Variants in STRADA observed in about 807,000 individuals in gnomAD.
STRADA encodes STE20-related kinase adapter protein alpha.
Under a neutral mutation model 55.0 loss-of-function variants are expected in STRADA, and 26 were observed. The ratio of observed to expected loss-of-function variants is 0.47; its 90% CI spans 0.35 to 0.66. The LOEUF (loss-of-function observed/expected upper bound fraction) is 0.66, where lower values mean the gene tolerates loss of function less well. Ranked by LOEUF, STRADA falls within the 30% of genes least tolerant of loss-of-function variation. STRADA has a pLI of 0.01. For missense variants in STRADA, 443 were observed against 549.7 expected (o/e 0.81, Z 1.94); for synonymous variants, 197 against 210.9 (o/e 0.93, Z 0.57).
chr17:63,732,776 C>T (rs1280515616), intron 1 of STRADA, among the ~76,000 whole-genome samples: 2 of 151,916 alleles, frequency 1.3e-5, no homozygotes, highest in Non-Finnish European at 2.9e-5. Flanking sequence ...GCCTAGGTAA[C>T]AGACTATGTT....
Position 63,710,537 on chromosome 17 carries a change from C to T in STRADA, c.535G>A (p.Val179Met). Residue 179 changes from valine to methionine, a missense_variant, in exon 8 of 13, where the codon GTG becomes ATG. Transcript: ENST00000336174. ...TGGATGTAGTCGAGGGCCTTCAGCACCCCCTGCAGGATGTAAGCAATCGCC... is the reference window on the plus strand; with the variant it reads ...TGGATGTAGTCGAGGGCCTTCAGCATCCCCTGCAGGATGTAAGCAATCGCC... ...ELAIAYILQG[V>M]LKALDYIHHM... is the part of the protein sequence containing the mutation. 6.2e-7 allele frequency: 1 copy of T among 1,613,938 alleles called. No homozygotes were observed. Among genetic ancestry groups the T allele is most frequent in the Non-Finnish European group, 8.5e-7 (1 of 1,179,870 alleles).
chr17:63,719,545 G>A (rs970274008), intron 4 of STRADA, among the ~76,000 whole-genome samples: 7 of 150,900 alleles, frequency 4.6e-5, no homozygotes, highest in African/African-American at 1.2e-4. Context: ...GTGCAATGGC[G>A]CGATCTCGGC....
chr17:63,739,281 T>C (rs551076998), intron 1 of STRADA, among the ~76,000 whole-genome samples: 24 of 152,294 alleles, frequency 1.6e-4, no homozygotes, highest in Non-Finnish European at 3.1e-4. Flanking sequence ...AAAATCTTAC[T>C]AATAAATTTC....
chr17:63,709,021 T>G (rs1016554313), intron 8 of STRADA, among the ~76,000 whole-genome samples: 3 of 152,210 alleles, frequency 2.0e-5, no homozygotes, highest in African/African-American at 7.2e-5. Context: ...ATTGTCACCT[T>G]GGTTCTGGGA....
chr17:63,721,193 G>T (rs984446197), intron 4 of STRADA, among the ~76,000 whole-genome samples: 2 of 151,344 alleles, frequency 1.3e-5, no homozygotes, highest in African/African-American at 4.9e-5. Context: ...ACAACATGGT[G>T]AAACTCCGTC....
chr17:63,723,199 G>GCTT, intron 4 of STRADA, 99 bp downstream of exon 4: 5 of 1,346,650 alleles, frequency 3.7e-6, no homozygotes, highest in Non-Finnish European at 4.3e-6. Flanking sequence ...TGACAGATAA[G>GCTT]CAGAAACATA....
intron 1 of STRADA, among the ~76,000 whole-genome samples, chr17:63,740,113 C>A: frequency 3.9e-5 from 2 of 51,066 alleles, no homozygotes; most frequent in East Asian, 4.2e-4. Flanking sequence ...TATATACATA[C>A]ATACATATAT....
At chr17:63,727,582 T>A (rs1048475273) in intron 2 of STRADA, 1 of 152,368 alleles carries the variant, frequency 6.6e-6, no homozygotes, top group Non-Finnish European at 1.5e-5. Flanking sequence ...ATTGGAACTA[T>A]AGCATCTTCT....
chr17:63,714,025 G>C lies in STRADA; in HGVS notation c.207C>G (p.Tyr69Ter). Reference protein sequence around the residue: ...MSSFLPEGGCYELLTVIGKGF... With the variant: ...MSSFLPEGGC ...ACATACCTATCACAGTGAGCAGCTCGTAACACCCTCCCTCTGGCAGAAAGC... is the reference window on the plus strand; with the variant it reads ...ACATACCTATCACAGTGAGCAGCTCCTAACACCCTCCCTCTGGCAGAAAGC... Residue 69 changes from tyrosine to a stop codon, truncating the protein, a stop_gained, in exon 5 of 13, where the codon TAC (tyrosine) becomes TAG (stop). Coordinates refer to ENST00000336174, the MANE Select transcript of STRADA (RefSeq NM_001003787.4). LOFTEE classifies it high-confidence loss of function. 2 of 1,613,680 alleles carry C rather than the reference G, an allele frequency of 1.2e-6. No individual in the cohort carries two copies. Among genetic ancestry groups the C allele is most frequent in the South Asian group, 1.1e-5 (1 of 91,074 alleles).
At chr17:63,725,606 CCT>C (rs1330772921) in intron 3 of STRADA, 2 of 152,234 alleles carry the variant, frequency 1.3e-5, no homozygotes, top group African/African-American at 4.8e-5. Context: ...CCTGCCTCGG[CCT>C]CCCAAAGTGC....
Position 63,703,587 on chromosome 17 carries a change from G to C in STRADA, c.*12C>G. 6.2e-7 allele frequency: 1 copy of C among 1,611,568 alleles called. No homozygotes were observed. The highest frequency in any genetic ancestry group is 8.5e-7 in the Non-Finnish European group (1 of 1,178,604). On this transcript the variant is annotated 3_prime_UTR_variant, in exon 13 of 13. Coordinates refer to ENST00000336174, the MANE Select transcript of STRADA (RefSeq NM_001003787.4). ...CATCCCTGGCTGGAGAATGCGCACA[G>C]TTTGCAGAGGCTCAGAACTCCCAAT...
chr17:63,727,279 T>C (rs1170815633), intron 2 of STRADA: 2 of 152,426 alleles, frequency 1.3e-5, no homozygotes, highest in Non-Finnish European at 2.9e-5. Context: ...TAGATTTCTG[T>C]CATTCTGATC....
intron 3 of STRADA, among the ~76,000 whole-genome samples, chr17:63,724,264 T>A (rs1016514395): frequency 3.9e-5 from 6 of 151,972 alleles, no homozygotes; most frequent in Non-Finnish European, 7.4e-5. Context: ...TGCCTCAGCC[T>A]CCCAAGTAGC....
intron 1 of STRADA, among the ~76,000 whole-genome samples, chr17:63,729,443 T>C (rs1011005305): frequency 1.3e-5 from 2 of 152,150 alleles, no homozygotes; most frequent in Non-Finnish European, 2.9e-5. Context: ...TCCACATTTA[T>C]ATTATTATGA....
chr17:63,723,155 C>A, intron 4 of STRADA, 143 bp downstream of exon 4: 2 of 1,048,674 alleles, frequency 1.9e-6, no homozygotes, highest in Middle Eastern at 4.2e-4. Context: ...TGAATCTCCA[C>A]AAGTACAAAA....
chr17:63,706,611 GA>G, intron 10 of STRADA, 23 bp downstream of exon 10: 1 of 1,587,972 alleles, frequency 6.3e-7, no homozygotes, highest in Non-Finnish European at 8.6e-7. Flanking sequence ...AGGCAAGAAG[GA>G]AACCGATGGG....
In STRADA at chr17:63,707,380, C is replaced by T. The variant is rs778919231; in HGVS notation, c.620G>A (p.Gly207Glu). Residue 207 changes from glycine to glutamate, a missense_variant, in exon 9 of 13, where the codon GGG becomes GAG. Physicochemically the swap from Gly to Glu is moderately conservative, Grantham distance 98. Transcript: ENST00000336174. ...GCGCAAACCAGACAGGTAGACCTTCCCATCCACAGAGATCAGGATGTGGCT... is the reference window on the plus strand; with the variant it reads ...GCGCAAACCAGACAGGTAGACCTTCTCATCCACAGAGATCAGGATGTGGCT... ...KASHILISVD[G>E]KVYLSGLRSN... is the part of the protein sequence containing the mutation. 1 of 1,614,130 alleles carries T rather than the reference C, an allele frequency of 6.2e-7. No individual in the cohort carries two copies. Among genetic ancestry groups the T allele is most frequent in the South Asian group, 1.1e-5 (1 of 91,084 alleles).
intron 1 of STRADA, 54 bp downstream of exon 1, chr17:63,741,687 G>A (rs1451566114): frequency 6.6e-6 from 1 of 152,222 alleles, no homozygotes; most frequent in South Asian, 2.1e-4. Context: ...ATCGGTGGCA[G>A]AGCCAGGAGG....
chr17:63,706,583 C>T, intron 10 of STRADA, 52 bp downstream of exon 10: 1 of 1,333,524 alleles, frequency 7.5e-7, no homozygotes, highest in South Asian at 1.2e-5. Context: ...ACTCAACGAA[C>T]ATCTGTGGAA....
Sources: allele counts gnomAD v4.1 joint callset (sites outside exome capture counted in the v4.1 genomes callset), GRCh38; gene constraint gnomAD v4.1.1; transcripts MANE v1.5; gene names NCBI Gene and HGNC (gene_info 2026-07-23, HGNC 2026-07-21).